The following RSPH14 variants were observed in gnomAD, a reference collection of about 807,000 sequenced individuals.
RSPH14 encodes radial spoke head 14 homolog.
A neutral mutation model predicts 26.7 loss-of-function variants in RSPH14; 20 were observed. That is an observed-to-expected ratio of 0.75 (90% confidence interval 0.53 to 1.09). The LOEUF (loss-of-function observed/expected upper bound fraction) is 1.09, where lower values mean the gene tolerates loss of function less well. RSPH14 is among the 50% of genes least tolerant of loss of function. The probability of loss-of-function intolerance (pLI) is 0.00; values close to 1 mark genes in which losing one functional copy is unlikely to be tolerated. For synonymous variants in RSPH14, 177 were observed against 189.3 expected (o/e 0.93, Z 0.53); for missense variants, 449 against 457.2 (o/e 0.98, Z 0.16).
intron 4 of RSPH14, among the ~76,000 whole-genome samples, chr22:23,120,170 A>G (rs1414353901): frequency 6.6e-6 from 1 of 152,200 alleles, no homozygotes; most frequent in Non-Finnish European, 1.5e-5. Flanking sequence ...TAAGTCAGGA[A>G]CAGGAGGCTC....
At chr22:23,118,742 A>T (rs565131703) in intron 4 of RSPH14, among the ~76,000 whole-genome samples, 1 of 152,326 alleles carries the variant, frequency 6.6e-6, no homozygotes, top group East Asian at 1.9e-4. Flanking sequence ...GGGGTGATGC[A>T]CTACCATGGG....
the RSPH14 span, chr22:23,150,079 C>T: frequency 2.3e-5 from 37 of 1,610,948 alleles, no homozygotes; most frequent in Non-Finnish European, 3.0e-5. Context: ...ACGCCGGAAG[C>T]CTGTTTGCAG....
intron 4 of RSPH14, chr22:23,095,787 G>A: frequency 6.2e-7 from 1 of 1,613,296 alleles, no homozygotes; most frequent in Non-Finnish European, 8.5e-7. Context: ...CAGCGGCAAC[G>A]CCGCGAAATC....
intron 4 of RSPH14, among the ~76,000 whole-genome samples, chr22:23,120,815 C>G (rs561731454): frequency 7.0e-4 from 107 of 152,296 alleles, no homozygotes; most frequent in African/African-American, 2.5e-3. Flanking sequence ...GCTCCATCAC[C>G]TGGCATGAGA....
chr22:23,156,354 G>C, the RSPH14 span: 1 of 260,278 alleles, frequency 3.8e-6, no homozygotes, highest in South Asian at 3.6e-5. Context: ...CTGGACTCCA[G>C]GGGGAGGTCG....
At chr22:23,130,533 A>AAAGAAAGAAAGAAAGAAAGAAAGG (rs1569193256) in intron 4 of RSPH14, among the ~76,000 whole-genome samples, 3 of 85,378 alleles carry the variant, frequency 3.5e-5, no homozygotes, top group Non-Finnish European at 7.9e-5. Context: ...AGAAAGAAAG[A>AAAGAAAGAAAGAAAGAAAGAAAGG]GAAAGAAGGA....
rs117100499 is a variant in RSPH14 at position 23,097,198 on chromosome 22, G to T, written c.422-33065C>A. On this transcript the variant is annotated intron_variant, in intron 4 of 6. Transcript: ENST00000216036. ...GGATGGGGGAGTGGGGGCAAACAAGGAGTCACGAAGTTGTGGGTACCCTGG... is the reference window on the plus strand; with the variant it reads ...GGATGGGGGAGTGGGGGCAAACAAGTAGTCACGAAGTTGTGGGTACCCTGG... 2.4e-4 allele frequency among the ~76,000 whole-genome samples: 36 copies of T among 152,300 alleles called. 1 individual carries two copies. The East Asian group carries it at 6.8e-3, about 29-fold the overall frequency.
At chr22:23,081,301 A>C (rs1455932624) in intron 4 of RSPH14, among the ~76,000 whole-genome samples, 1 of 152,194 alleles carries the variant, frequency 6.6e-6, no homozygotes, top group Non-Finnish European at 1.5e-5. Flanking sequence ...TAACCCCAGA[A>C]CCGGAAACTC....
intron 4 of RSPH14, among the ~76,000 whole-genome samples, chr22:23,119,687 C>T (rs1167808041): frequency 6.6e-6 from 1 of 152,194 alleles, no homozygotes; most frequent in Non-Finnish European, 1.5e-5. Flanking sequence ...GCGTCAGGGA[C>T]GCTGGGATGG....
At chr22:23,158,869 ATC>A in the RSPH14 span, 2 of 1,601,344 alleles carry the variant, frequency 1.2e-6, no homozygotes, top group Non-Finnish European at 1.7e-6. Context: ...GGATGGGTGA[ATC>A]TCTCAGCCTC....
chr22:23,107,195 G>C (rs926425995), intron 4 of RSPH14, among the ~76,000 whole-genome samples: 5 of 152,166 alleles, frequency 3.3e-5, no homozygotes, highest in South Asian at 2.1e-4. Flanking sequence ...ATAGTTGCAG[G>C]GGGGAGGGGG....
rs865801967 is a variant in RSPH14 at position 23,079,396 on chromosome 22, A to G, written c.422-15263T>C. Among the ~76,000 whole-genome samples, 5 of 152,198 alleles carry G rather than the reference A, an allele frequency of 3.3e-5. No homozygotes were observed. The South Asian group carries it at 1.0e-3, about 32-fold the overall frequency. ...CAGGAGGAAGGAACAGCCAGTGCAC[A>G]GGCCCTGAGTTAAGAGTGAGGGATG... On this transcript the variant is annotated intron_variant, in intron 4 of 6. Coordinates refer to ENST00000216036, the MANE Select transcript of RSPH14 (RefSeq NM_014433.3).
At chr22:23,091,254 A>G (rs2068964223) in intron 4 of RSPH14, among the ~76,000 whole-genome samples, 1 of 152,220 alleles carries the variant, frequency 6.6e-6, no homozygotes, top group South Asian at 2.1e-4. Context: ...AAGCAACCAG[A>G]CACAGACACA....
chr22:23,068,902 A>G (rs1446850607), intron 4 of RSPH14, among the ~76,000 whole-genome samples: 1 of 152,164 alleles, frequency 6.6e-6, no homozygotes, highest in East Asian at 1.9e-4. Context: ...AGGCAAGCAC[A>G]AAGGGTAGCT....
intron 4 of RSPH14, among the ~76,000 whole-genome samples, chr22:23,079,139 G>T (rs1324594431): frequency 6.6e-6 from 1 of 152,268 alleles, no homozygotes; most frequent in Admixed American, 6.5e-5. Context: ...CTATGGCACA[G>T]TGGGAAAGAG....
At chr22:23,133,886 C>A (rs182192647) in intron 4 of RSPH14, 140 bp downstream of exon 4, 11 of 617,412 alleles carry the variant, frequency 1.8e-5, no homozygotes, top group Middle Eastern at 3.0e-4. Flanking sequence ...CCACACCCAG[C>A]GGATATGTGC....
chr22:23,180,591 C>G, the RSPH14 span: 2 of 27,550 alleles, frequency 7.3e-5, no homozygotes, highest in Non-Finnish European at 9.5e-5. Flanking sequence ...GCGGCGGCGG[C>G]ACGGCGGCGG....
chr22:23,073,730 G>A (rs755090028), intron 4 of RSPH14, among the ~76,000 whole-genome samples: 1 of 152,188 alleles, frequency 6.6e-6, no homozygotes, highest in African/African-American at 2.4e-5. Flanking sequence ...AGAACCTCAC[G>A]CGATTCATCC....
chr22:23,119,609 G>A (rs1189314891), intron 4 of RSPH14, among the ~76,000 whole-genome samples: 1 of 152,182 alleles, frequency 6.6e-6, no homozygotes, highest in Non-Finnish European at 1.5e-5. Flanking sequence ...TTACAGGATG[G>A]GCACCCACCA....
Sources: gnomAD v4.1 joint callset for allele counts (sites outside exome capture counted in the v4.1 genomes callset) on GRCh38, gnomAD v4.1.1 for gene constraint, MANE v1.5 for transcripts, NCBI Gene and HGNC (gene_info 2026-07-23, HGNC 2026-07-21) for gene names.